The following POGLUT3 variants were observed in gnomAD, a reference collection of about 807,000 sequenced individuals.
POGLUT3 encodes KDEL (Lys-Asp-Glu-Leu) containing 2.
Under a neutral mutation model 54.3 loss-of-function variants are expected in POGLUT3, and 48 were observed. That is an observed-to-expected ratio of 0.88 (90% CI 0.70 to 1.12). The LOEUF (loss-of-function observed/expected upper bound fraction) is 1.12, where lower values mean the gene tolerates loss of function less well. POGLUT3 is among the 50% of genes most tolerant of loss of function. POGLUT3 has a pLI of 0.00. For synonymous variants in POGLUT3, 218 were observed against 237.4 expected, an observed-to-expected ratio of 0.92 and a Z score of 0.75; for missense variants, 629 against 618.7, an observed-to-expected ratio of 1.02 and a Z score of -0.18.
chr11:108,489,903 A>C (rs929543091), intron 2 of POGLUT3, among the ~76,000 whole-genome samples: 5 of 152,110 alleles, frequency 3.3e-5, no homozygotes, highest in African/African-American at 1.2e-4. Context: ...TTTCGTTTTG[A>C]GACAGGGGGT....
intron 3 of POGLUT3, among the ~76,000 whole-genome samples, chr11:108,484,415 CA>C (rs1279098765): frequency 1.3e-5 from 2 of 152,268 alleles, no homozygotes; most frequent in East Asian, 3.9e-4. Context: ...TGCAGCCACA[CA>C]GTCAGCATAC....
At chr11:108,495,977 T>C (rs2093621565) in intron 1 of POGLUT3, among the ~76,000 whole-genome samples, 1 of 152,160 alleles carries the variant, frequency 6.6e-6, no homozygotes, top group African/African-American at 2.4e-5. Flanking sequence ...GTAAACTTTT[T>C]CGTTTGTTTA....
At chr11:108,484,268 A>G (rs1008530448) in intron 3 of POGLUT3, among the ~76,000 whole-genome samples, 1 of 152,198 alleles carries the variant, frequency 6.6e-6, no homozygotes, top group African/African-American at 2.4e-5. Context: ...AGGCAAGAAT[A>G]CAGGGCACAG....
intron 2 of POGLUT3, among the ~76,000 whole-genome samples, chr11:108,490,090 C>T (rs139746391): frequency 5.9e-5 from 9 of 152,162 alleles, no homozygotes; most frequent in South Asian, 2.1e-4. Context: ...TGTTGCTCAG[C>T]GTGGTCTTGA....
chr11:108,488,572 AGCACT>A (rs774260092), intron 2 of POGLUT3, among the ~76,000 whole-genome samples: 3 of 152,184 alleles, frequency 2.0e-5, no homozygotes, highest in African/African-American at 4.8e-5. Flanking sequence ...CTAAAAAGGA[AGCACT>A]GCACAGAGAG....
intron 1 of POGLUT3, among the ~76,000 whole-genome samples, chr11:108,493,609 G>C (rs1289600648): frequency 1.3e-5 from 2 of 152,036 alleles, no homozygotes; most frequent in African/African-American, 4.8e-5. Context: ...TTTGAGACCA[G>C]CCTGACCAAC....
intron 1 of POGLUT3, among the ~76,000 whole-genome samples, chr11:108,493,803 CAAA>C (rs11351337): frequency 1.1e-4 from 9 of 82,078 alleles, no homozygotes; most frequent in African/African-American, 8.9e-5. Flanking sequence ...GACTCTGTCT[CAAA>C]AAAAAAAAAA....
intron 3 of POGLUT3, among the ~76,000 whole-genome samples, chr11:108,484,710 C>A (rs1393969345): frequency 2.6e-5 from 4 of 152,118 alleles, no homozygotes. Flanking sequence ...GAGCCGAGAT[C>A]GTGCCACTGC....
rs1360706168 is a variant in POGLUT3, at chr11:108,498,271, G to T, written c.96C>A (p.Ser32Arg). 5 of 1,493,926 alleles carry T rather than the reference G, an allele frequency of 3.3e-6. No individual in the cohort carries two copies. Among genetic ancestry groups the T allele is most frequent in the Non-Finnish European group, 4.5e-6 (5 of 1,121,802 alleles). 92.5% of individuals were successfully genotyped at this position (1,493,926 alleles called of 1,614,324 possible). ...CCTGCAGCCCGGGCCCCCACACCAG[G>T]CTCCGCGGCGCGCTGACCAGCACCT... ...APEVLVSAPR[S>R]LVWGPGLQAA... Residue 32 changes from serine to arginine, a missense_variant, in exon 1 of 8, where the codon AGC becomes AGA. By Grantham distance (110) the Ser-to-Arg change is moderately radical. Transcript: ENST00000323468.
intron 2 of POGLUT3, among the ~76,000 whole-genome samples, chr11:108,490,676 A>C (rs900503878): frequency 6.6e-6 from 1 of 152,142 alleles, no homozygotes; most frequent in African/African-American, 2.4e-5. Flanking sequence ...AATATTAATA[A>C]AAATCCTTTA....
rs1335998000 is a variant in POGLUT3, at chr11:108,482,048, G to A, written c.859C>T (p.Arg287Trp). 1.5e-5 allele frequency: 24 copies of A among 1,613,830 alleles called. No individual in the cohort carries two copies. Among genetic ancestry groups the A allele is most frequent in the South Asian group, 3.3e-5 (3 of 91,076 alleles). ...DITHSMLEAM[R>W]GVTNDLLSIQ... ...GAGAGGAGATCATTTGTAACACCCC[G>A]CATGGCTTCAAGCATGGAGTGGGTG... The change falls in exon 4 of 8, where the codon CGG (arginine) becomes TGG (tryptophan). Residue 287 changes from arginine (R) to tryptophan (W), a missense_variant. Arg to Trp is a moderately radical substitution (Grantham distance 101, BLOSUM62 -3). Transcript: ENST00000323468.
chr11:108,490,961 A>ATCACTTACCTT lies in POGLUT3; in HGVS notation c.398_400+8dup. On this transcript the variant is annotated intron_variant, in intron 2 of 7. Transcript: ENST00000323468. Reference sequence around the variant, plus strand: ...AAGGCTGACTCTGGAGTATATAATAATCACTTACCTTTCAAAATATAGGGA... The same window carrying ATCACTTACCTT: ...AAGGCTGACTCTGGAGTATATAATAATCACTTACCTTTCACTTACCTTTCAAAATATAGGGA... 1 of 1,609,744 alleles carries ATCACTTACCTT rather than the reference A, an allele frequency of 6.2e-7. No individual in the cohort carries two copies. Among genetic ancestry groups the ATCACTTACCTT allele is most frequent in the South Asian group, 1.1e-5 (1 of 90,962 alleles).
Position 108,498,228 on chromosome 11 carries a change from C to A in POGLUT3, c.139G>T (p.Val47Phe). 2.0e-6 allele frequency: 3 copies of A among 1,515,566 alleles called. No individual in the cohort carries two copies. Among genetic ancestry groups the A allele is most frequent in the Non-Finnish European group, 2.6e-6 (3 of 1,133,446 alleles). 93.9% of individuals were successfully genotyped at this position (1,515,566 alleles called of 1,614,324 possible). A position where few individuals can be genotyped will look rare whatever the true frequency, so the allele number is the denominator to read the frequency against. Reference sequence around the variant, plus strand: ...ACCGCCTGCAGGTAGAAATAGCGGACCGGCAGGACGACGGCCGCCTGCAGC... The same window carrying A: ...ACCGCCTGCAGGTAGAAATAGCGGAACGGCAGGACGACGGCCGCCTGCAGC... ...PGLQAAVVLP[V>F]RYFYLQAVNS... Residue 47 changes from valine to phenylalanine, a missense_variant, in exon 1 of 8, where the codon GTC becomes TTC. By Grantham distance (50) the Val-to-Phe change is conservative (BLOSUM62 -1). Coordinates refer to ENST00000323468, the MANE Select transcript of POGLUT3 (RefSeq NM_153705.5).
Position 108,498,204 on chromosome 11 carries a change from C to T in POGLUT3, c.163G>A (p.Val55Ile), listed in dbSNP as rs768766306. The T allele has an allele frequency of 4.6e-6, 7 of 1,521,294 alleles. No homozygotes were observed. The South Asian group carries it at 7.4e-5, about 16-fold the overall frequency. The allele number at this position is 1,521,294 out of a possible 1,614,324, so 94.2% of individuals were successfully genotyped here. A position where few individuals can be genotyped will look rare whatever the true frequency, so the allele number is the denominator to read the frequency against. ...GTGAGGTTCTGGCCCTCCGAGTTGA[C>T]CGCCTGCAGGTAGAAATAGCGGACC... is the stretch of plus-strand genomic sequence containing the variant. ...LPVRYFYLQA[V>I]NSEGQNLTRS... is the part of the protein sequence containing the mutation. Residue 55 changes from valine (V) to isoleucine (I), a missense_variant, in exon 1 of 8, where the codon GTC (valine) becomes ATC (isoleucine). Physicochemically the swap from Val to Ile is conservative, Grantham distance 29. Coordinates refer to ENST00000323468, the MANE Select transcript of POGLUT3 (RefSeq NM_153705.5).
intron 2 of POGLUT3, 37 bp downstream of exon 2, chr11:108,490,933 C>A: frequency 6.4e-7 from 1 of 1,552,978 alleles, no homozygotes; most frequent in South Asian, 1.1e-5. Flanking sequence ...GGGACCTACA[C>A]ACAAGGCTGA....
intron 7 of POGLUT3, 80 bp downstream of exon 7, chr11:108,477,527 G>T: frequency 1.3e-6 from 1 of 797,592 alleles, no homozygotes; most frequent in Non-Finnish European, 2.1e-6. Flanking sequence ...CCTTCAGGAA[G>T]CCAGGCAGGA....
rs1364483402 is a variant in POGLUT3 at position 108,472,884 on chromosome 11, TAG to T, written c.*1941_*1942del. On this transcript the variant is annotated 3_prime_UTR_variant, in exon 8 of 8. Transcript: ENST00000323468. ...GTGGTTTTGCACAATGGATGGGTAT[TAG>T]AGTTTGCCTTGGATACTTGGCATTG... 6.6e-5 allele frequency: 10 copies of T among 152,208 alleles called. No individual in the cohort carries two copies. Among genetic ancestry groups the T allele is most frequent in the Admixed American group, 6.5e-4 (10 of 15,274 alleles). 9.4% of individuals were successfully genotyped at this position (152,208 alleles called of 1,614,324 possible). A position where few individuals can be genotyped will look rare whatever the true frequency, so the allele number is the denominator to read the frequency against.
intron 3 of POGLUT3, among the ~76,000 whole-genome samples, chr11:108,485,120 T>G (rs1286596513): frequency 6.6e-6 from 1 of 152,128 alleles, no homozygotes; most frequent in Non-Finnish European, 1.5e-5. Flanking sequence ...GGTTTTTGTT[T>G]GTTTGTTTTT....
chr11:108,481,334 C>G lies in POGLUT3; in HGVS notation c.944G>C (p.Gly315Ala), dbSNP rs528601551. The G allele has an allele frequency of 3.8e-6, 6 of 1,598,544 alleles. No individual in the cohort carries two copies. The African/African-American group carries it at 8.1e-5, about 22-fold the overall frequency. ...INKTERAFFRGRDSREERLQL... is the reference protein window; with the variant it reads ...INKTERAFFRARDSREERLQL... ...GAGCCTCTCCTCTCGGCTGTCTCTA[C>G]CTCTGAAGAAAGCTCTCTCTGTTTT... is the stretch of plus-strand genomic sequence containing the variant. The change falls in exon 5 of 8, where the codon GGT becomes GCT. Residue 315 changes from glycine (G) to alanine (A), a missense_variant. Physicochemically the swap from Gly to Ala is moderately conservative, Grantham distance 60. Transcript: ENST00000323468.
Sources: gnomAD v4.1 joint callset for allele counts (sites outside exome capture counted in the v4.1 genomes callset) on GRCh38, gnomAD v4.1.1 for gene constraint, MANE v1.5 for transcripts, NCBI Gene and HGNC (gene_info 2026-07-23, HGNC 2026-07-21) for gene names.